The following DDX18 variants were observed in gnomAD, a reference collection of about 807,000 sequenced individuals.
The protein encoded by DDX18 is ATP-dependent RNA helicase DDX18.
Under a neutral mutation model 73.5 loss-of-function variants are expected in DDX18, and 23 were observed. That is an observed-to-expected ratio of 0.31 (90% CI 0.23 to 0.44). The LOEUF (loss-of-function observed/expected upper bound fraction) is 0.44, where lower values mean the gene tolerates loss of function less well. Among genes scored for constraint, DDX18 ranks in the 20% least tolerant of loss-of-function variants. The probability of loss-of-function intolerance (pLI) is 1.00; values close to 1 mark genes in which losing one functional copy is unlikely to be tolerated. For synonymous variants in DDX18, 268 were observed against 282.7 expected, an observed-to-expected ratio of 0.95 and a Z score of 0.52; for missense variants, 753 against 792.9, an observed-to-expected ratio of 0.95 and a Z score of 0.60.
chr2:117,825,645 A>G, intron 10 of DDX18, 46 bp downstream of exon 10: 2 of 1,598,478 alleles, frequency 1.3e-6, no homozygotes, highest in Non-Finnish European at 1.7e-6. Flanking sequence ...CTGCATTAAA[A>G]GTTCACTTAT....
intron 1 of DDX18, chr2:117,815,722 A>G (rs989364065): frequency 2.0e-5 from 3 of 152,244 alleles, no homozygotes; most frequent in Non-Finnish European, 4.4e-5. Context: ...TTCAGCGCAT[A>G]TGTAAGTAAA....
At chr2:117,818,397 T>C (rs185855533) in intron 2 of DDX18, among the ~76,000 whole-genome samples, 155 of 152,348 alleles carry the variant, frequency 1.0e-3, no homozygotes, top group African/African-American at 3.5e-3. Context: ...CTAAACTATT[T>C]ACTATCTGGC....
intron 11 of DDX18, 95 bp downstream of exon 11, chr2:117,826,477 A>G: frequency 1.7e-6 from 2 of 1,147,476 alleles, no homozygotes; most frequent in South Asian, 2.8e-5. Flanking sequence ...GAGTCTGGCC[A>G]GTGCTGTTAC....
At chr2:117,826,568 T>G in intron 11 of DDX18, 186 bp downstream of exon 11, 1 of 602,582 alleles carries the variant, frequency 1.7e-6, no homozygotes. Flanking sequence ...ACTGCCCACA[T>G]GGCTCGGCTT....
intron 10 of DDX18, 147 bp downstream of exon 10, chr2:117,825,746 G>A (rs1679915493): frequency 1.0e-6 from 1 of 980,390 alleles, no homozygotes; most frequent in Non-Finnish European, 1.5e-6. Context: ...GTATTGAAAA[G>A]TACTTAAGGC....
intron 2 of DDX18, among the ~76,000 whole-genome samples, chr2:117,818,052 C>T (rs1470012515): frequency 6.6e-6 from 1 of 151,990 alleles, no homozygotes; most frequent in Non-Finnish European, 1.5e-5. Flanking sequence ...TCCCATTTTC[C>T]TTCCATAAAT....
chr2:117,828,350 A>G (rs943504974), intron 11 of DDX18: 1 of 152,216 alleles, frequency 6.6e-6, no homozygotes, highest in Non-Finnish European at 1.5e-5. Context: ...CTATCTGACA[A>G]AGGGCTAATA....
At chr2:117,826,498 A>T (rs1380495915) in intron 11 of DDX18, 116 bp downstream of exon 11, 1 of 921,050 alleles carries the variant, frequency 1.1e-6, no homozygotes, top group Non-Finnish European at 1.7e-6. Flanking sequence ...AACCATTCTT[A>T]TGGCAATTAA....
chr2:117,817,409 C>G, intron 1 of DDX18, 35 bp from the exon 2 acceptor site: 1 of 1,526,984 alleles, frequency 6.5e-7, no homozygotes, highest in East Asian at 2.3e-5. Context: ...ACTTCTCCTT[C>G]TTTGTCACAG....
At position 117,817,526 on chromosome 2, in the gene DDX18, A is replaced by G. The variant is rs149971281; in HGVS notation, c.168A>G (p.Ser56=). The G allele has an allele frequency of 4.2e-5, 68 of 1,613,714 alleles. No homozygotes were observed. Among genetic ancestry groups the G allele is most frequent in the Non-Finnish European group, 5.5e-5 (65 of 1,179,922 alleles). ...TGGGAAGTAGAAAGGTTAAAAAATC[A>G]AAACAAAAGCCCATGAATGTGGGCT... ...ETMGSRKVKK[S]KQKPMNVGLS... The change falls in exon 2 of 14, where the codon TCA becomes TCG. Residue 56 remains serine (S), a synonymous_variant. Coordinates refer to ENST00000263239, the MANE Select transcript of DDX18 (RefSeq NM_006773.4).
rs1251286819 is a variant in DDX18 at position 117,832,093 on chromosome 2, TG to T, written c.*1372del. The T allele has an allele frequency of 6.6e-6, 1 of 152,372 alleles. No individual in the cohort carries two copies. The highest frequency in any genetic ancestry group is 1.5e-5 in the Non-Finnish European group (1 of 68,044). The allele number at this position is 152,372 out of a possible 1,614,324, so 9.4% of individuals were successfully genotyped here. A position where few individuals can be genotyped will look rare whatever the true frequency, so the allele number is the denominator to read the frequency against. On this transcript the variant is annotated 3_prime_UTR_variant, in exon 14 of 14. Transcript: ENST00000263239. ...CTGCTGAGCTCCTGGCTTAGCTTCTTGGGTTCCTAATTCCTGGTGTTTAATA... is the reference window on the plus strand; with the variant it reads ...CTGCTGAGCTCCTGGCTTAGCTTCTTGGTTCCTAATTCCTGGTGTTTAATA...
At chr2:117,819,575 TTC>T in intron 2 of DDX18, 72 bp from the exon 3 acceptor site, 1 of 1,268,584 alleles carries the variant, frequency 7.9e-7, no homozygotes, top group Non-Finnish European at 1.1e-6. Flanking sequence ...ATCAGAGATC[TTC>T]TGTTTGTTGA....
intron 1 of DDX18, 196 bp downstream of exon 1, chr2:117,815,058 C>T (rs1573407835): frequency 1.7e-6 from 1 of 600,024 alleles, no homozygotes; most frequent in East Asian, 2.8e-5. Flanking sequence ...AGCGCTGCTC[C>T]TGACCTTTCT....
chr2:117,817,629 A>G lies in DDX18; in HGVS notation c.271A>G (p.Thr91Ala), dbSNP rs1160796131. ...IKVTKSPQKSTVLTNGEAAMQ... is the reference protein window; with the variant it reads ...IKVTKSPQKSAVLTNGEAAMQ... ...AGTTACAAAGTCTCCCCAGAAATCC[A>G]CTGTATTAACCAATGGAGAAGCAGC... The change falls in exon 2 of 14, where the codon ACT (threonine) becomes GCT (alanine). Residue 91 changes from threonine to alanine, a missense_variant. Transcript: ENST00000263239. The G allele has an allele frequency of 1.2e-6, 2 of 1,613,904 alleles. No individual in the cohort carries two copies. The highest frequency in any genetic ancestry group is 1.1e-5 in the South Asian group (1 of 91,070).
At position 117,817,554 on chromosome 2, in the gene DDX18, T is replaced by C; in HGVS notation, c.196T>C (p.Ser66Pro). The change falls in exon 2 of 14, where the codon TCA becomes CCA. Residue 66 changes from serine to proline, a missense_variant. Physicochemically the swap from Ser to Pro is moderately conservative, Grantham distance 74. Coordinates refer to ENST00000263239, the MANE Select transcript of DDX18 (RefSeq NM_006773.4). Reference sequence around the variant, plus strand: ...ACAAAAGCCCATGAATGTGGGCTTATCAGAAACTCAAAATGGAGGCATGTC... The same window carrying C: ...ACAAAAGCCCATGAATGTGGGCTTACCAGAAACTCAAAATGGAGGCATGTC... ...SKQKPMNVGL[S>P]ETQNGGMSQE... The C allele has an allele frequency of 1.2e-6, 2 of 1,613,966 alleles. No individual in the cohort carries two copies. Among genetic ancestry groups the C allele is most frequent in the Non-Finnish European group, 1.7e-6 (2 of 1,179,948 alleles).
In DDX18 at chr2:117,831,118, T is replaced by C. The variant is rs1680017549; in HGVS notation, c.*394T>C. 5.8e-6 allele frequency: 1 copy of C among 171,848 alleles called. No homozygotes were observed. The highest frequency in any genetic ancestry group is 1.2e-5 in the Non-Finnish European group (1 of 82,004). The allele number at this position is 171,848 out of a possible 1,614,324, so 10.6% of individuals were successfully genotyped here. ...CTCACTGCTGTAAAAGGTGACCTAG[T>C]GTACTGGGCAGCTGGTGGCGGTGCA... On this transcript the variant is annotated 3_prime_UTR_variant, in exon 14 of 14. Coordinates refer to ENST00000263239, the MANE Select transcript of DDX18 (RefSeq NM_006773.4).
intron 11 of DDX18, chr2:117,828,748 A>T (rs757261874): frequency 1.8e-6 from 1 of 558,546 alleles, no homozygotes; most frequent in Non-Finnish European, 3.2e-6. Flanking sequence ...CTTGCCTTTC[A>T]GAAAGAAAGA....
In DDX18 at chr2:117,831,174, A is replaced by G. The variant is rs1680018824; in HGVS notation, c.*450A>G. ...GAGTCTCAGGTTATTTTTTGTTTTT[A>G]GTTATTTCTTGGACCTTGACAGTAT... On this transcript the variant is annotated 3_prime_UTR_variant, in exon 14 of 14. Transcript: ENST00000263239. The G allele has an allele frequency of 6.4e-6, 1 of 156,172 alleles. No individual in the cohort carries two copies. Among genetic ancestry groups the G allele is most frequent in the Non-Finnish European group, 1.4e-5 (1 of 71,238 alleles). 9.7% of individuals were successfully genotyped at this position (156,172 alleles called of 1,614,324 possible). A position where few individuals can be genotyped will look rare whatever the true frequency, so the allele number is the denominator to read the frequency against.
In DDX18 at chr2:117,830,730, T is replaced by G; in HGVS notation, c.*6T>G. 6.2e-7 allele frequency: 1 copy of G among 1,609,802 alleles called. No homozygotes were observed. The highest frequency in any genetic ancestry group is 8.5e-7 in the Non-Finnish European group (1 of 1,178,964). On this transcript the variant is annotated 3_prime_UTR_variant, in exon 14 of 14. Coordinates refer to ENST00000263239, the MANE Select transcript of DDX18 (RefSeq NM_006773.4). The stretch of plus-strand genomic sequence containing the variant: ...GCAGGCAGTTCTCTCACTGAACACA[T>G]GCCTTCCTTTCATCTTGAATAACTT...
Sources: allele counts gnomAD v4.1 joint callset (sites outside exome capture counted in the v4.1 genomes callset), GRCh38; gene constraint gnomAD v4.1.1; transcripts MANE v1.5; gene names NCBI Gene and HGNC (gene_info 2026-07-23, HGNC 2026-07-21).